Variants in FAM13A observed in about 807,000 individuals in gnomAD.
FAM13A encodes protein FAM13A.
A neutral mutation model predicts 129.6 loss-of-function variants in FAM13A; 76 were observed. The observed-to-expected ratio is 0.59, with a 90% CI of 0.49 to 0.71. The LOEUF (loss-of-function observed/expected upper bound fraction) is 0.71, where lower values mean the gene tolerates loss of function less well. Among genes scored for constraint, FAM13A ranks in the 30% least tolerant of loss-of-function variants. The probability of loss-of-function intolerance (pLI) is 0.00; values close to 1 mark genes in which losing one functional copy is unlikely to be tolerated. For synonymous variants in FAM13A, 443 were observed against 449.9 expected (o/e 0.98, Z 0.20); for missense variants, 1,108 against 1,249.3 (o/e 0.89, Z 1.70).
intron 1 of FAM13A, among the ~76,000 whole-genome samples, chr4:89,038,063 C>G (rs901835338): frequency 5.3e-5 from 8 of 152,202 alleles, no homozygotes; most frequent in African/African-American, 1.9e-4. Flanking sequence ...ATCCTTAAGG[C>G]TCCAGTGCTT....
intron 1 of FAM13A, among the ~76,000 whole-genome samples, chr4:89,046,634 G>A (rs1770894878): frequency 6.6e-6 from 1 of 152,176 alleles, no homozygotes; most frequent in Admixed American, 6.5e-5. Flanking sequence ...CAGACTGCTT[G>A]AGCCCAGGAG....
At chr4:88,950,312 T>C (rs1458003577) in intron 4 of FAM13A, among the ~76,000 whole-genome samples, 2 of 151,954 alleles carry the variant, frequency 1.3e-5, no homozygotes, top group African/African-American at 2.4e-5. Context: ...GCAATCCTCC[T>C]GCCTCAGCCT....
In FAM13A at chr4:88,731,976, T is replaced by TCAC. The variant is rs1320275814; in HGVS notation, c.2843+23_2843+25dup. The TCAC allele has an allele frequency of 3.2e-6, 5 of 1,566,842 alleles. No individual in the cohort carries two copies. The South Asian group carries it at 3.5e-5, about 11-fold the overall frequency. On this transcript the variant is annotated intron_variant, in intron 22 of 23. Coordinates refer to ENST00000264344, the MANE Select transcript of FAM13A (RefSeq NM_014883.4). ...AGTGAGCTATTTTTACCAAAACATT[T>TCAC]CACCACCACCACCAAAATGACATAC...
intron 7 of FAM13A, among the ~76,000 whole-genome samples, chr4:88,832,524 T>TAA (rs1734061156): frequency 6.6e-6 from 1 of 152,044 alleles, no homozygotes; most frequent in Non-Finnish European, 1.5e-5. Context: ...ACGAGGAACT[T>TAA]AAACAAATTT....
rs1326480698 is a variant in FAM13A at position 89,020,532 on chromosome 4, G to C, written c.355C>G (p.Leu119Val). The C allele has an allele frequency of 1.2e-6, 2 of 1,613,978 alleles. No individual in the cohort carries two copies. The highest frequency in any genetic ancestry group is 2.7e-5 in the African/African-American group (2 of 74,900). ...CTGTCAGGCAGCTCCCTCAGAAACA[G>C]CTTCAACAGACTGGCTGCTGAGCAG... ...DVCSAASLLK[L>V]FLRELPDSLI... Residue 119 changes from leucine (L) to valine (V), a missense_variant, in exon 3 of 24, where the codon CTG (leucine) becomes GTG (valine). This residue lies in a region of FAM13A where 566 missense variants were observed against 595.7 expected (regional missense o/e 0.95). Transcript: ENST00000264344.
Position 88,996,519 on chromosome 4 carries a change from C to T in FAM13A, c.428-5369G>A, listed in dbSNP as rs1028796993. ...TCCGAAAACATTTATTGAGTGACTA[C>T]TCTGTTCCAGGCACCATTCTAAGCA... On this transcript the variant is annotated intron_variant, in intron 3 of 23. Coordinates refer to ENST00000264344, the MANE Select transcript of FAM13A (RefSeq NM_014883.4). 1.1e-4 allele frequency among the ~76,000 whole-genome samples: 17 copies of T among 152,208 alleles called. 1 individual carries two copies. The highest frequency in any genetic ancestry group is 3.9e-4 in the African/African-American group (16 of 41,450).
intron 1 of FAM13A, among the ~76,000 whole-genome samples, chr4:89,030,138 G>A (rs1055139977): frequency 3.3e-5 from 5 of 151,872 alleles, no homozygotes; most frequent in Non-Finnish European, 5.9e-5. Flanking sequence ...ATAGTTCTCT[G>A]ATTTGATTAC....
intron 7 of FAM13A, among the ~76,000 whole-genome samples, chr4:88,818,700 T>C (rs1731274600): frequency 6.6e-6 from 1 of 152,104 alleles, no homozygotes; most frequent in Non-Finnish European, 1.5e-5. Flanking sequence ...CTGGCCCAGA[T>C]TTAAAGTGAG....
At chr4:88,903,415 C>T (rs190083093) in intron 6 of FAM13A, among the ~76,000 whole-genome samples, 4 of 152,098 alleles carry the variant, frequency 2.6e-5, no homozygotes, top group Admixed American at 6.6e-5. Flanking sequence ...CAAAAACAGA[C>T]ACATGGACCA....
At chr4:88,733,219 T>C (rs1738242430) in intron 21 of FAM13A, among the ~76,000 whole-genome samples, 1 of 152,196 alleles carries the variant, frequency 6.6e-6, no homozygotes, top group Admixed American at 6.5e-5. Flanking sequence ...TCATGGTAAA[T>C]TTTGATATGT....
chr4:88,779,494 T>A (rs994808359), intron 11 of FAM13A, among the ~76,000 whole-genome samples: 1 of 152,216 alleles, frequency 6.6e-6, no homozygotes, highest in Admixed American at 6.5e-5. Context: ...GAAAACATCT[T>A]TGAGAATACC....
At chr4:88,989,679 T>G (rs1004985626) in intron 4 of FAM13A, 1 of 152,224 alleles carries the variant, frequency 6.6e-6, no homozygotes, top group African/African-American at 2.4e-5. Flanking sequence ...AAAACCATAC[T>G]AATTAGAACC....
At chr4:88,931,131 G>A (rs1288578528) in intron 5 of FAM13A, among the ~76,000 whole-genome samples, 1 of 152,084 alleles carries the variant, frequency 6.6e-6, no homozygotes, top group Non-Finnish European at 1.5e-5. Flanking sequence ...TCACAGCAGG[G>A]TGGCAGGGAC....
rs199909318 is a variant in FAM13A at position 89,050,208 on chromosome 4, CT to C, written c.27+6729del. Among the ~76,000 whole-genome samples, 6 of 150,998 alleles carry C rather than the reference CT, an allele frequency of 4.0e-5. No individual in the cohort carries two copies. In the South Asian group the frequency reaches 6.3e-4, roughly 16 times the overall value. On this transcript the variant is annotated intron_variant, in intron 1 of 23. Transcript: ENST00000264344. The stretch of plus-strand genomic sequence containing the variant: ...ACTCATGTCCTTTCTTTCCTCTTCT[CT>C]TTTTTTTTCTTTTTTTGAGGCAGAG...
intron 5 of FAM13A, among the ~76,000 whole-genome samples, chr4:88,922,471 A>G (rs1471692314): frequency 6.6e-6 from 1 of 152,154 alleles, no homozygotes; most frequent in Admixed American, 6.6e-5. Flanking sequence ...TAACGAAATG[A>G]AGGCAGAAAT....
intron 4 of FAM13A, among the ~76,000 whole-genome samples, chr4:88,952,777 G>A (rs919692919): frequency 1.3e-5 from 2 of 151,872 alleles, no homozygotes; most frequent in African/African-American, 2.4e-5. Context: ...GTGAAACCCC[G>A]TCTCTACTAA....
At chr4:88,842,300 C>T (rs761665764) in intron 7 of FAM13A, among the ~76,000 whole-genome samples, 5 of 152,106 alleles carry the variant, frequency 3.3e-5, no homozygotes, top group East Asian at 1.9e-4. Context: ...AGCAGAGATA[C>T]GGAACTGTGA....
intron 1 of FAM13A, among the ~76,000 whole-genome samples, chr4:89,056,309 T>C (rs1320906210): frequency 2.6e-5 from 4 of 152,172 alleles, no homozygotes; most frequent in African/African-American, 7.2e-5. Context: ...ATTCATAAAT[T>C]CTAAAAATTC....
chr4:89,015,861 CAT>C (rs1766409350), intron 3 of FAM13A, among the ~76,000 whole-genome samples: 2 of 152,032 alleles, frequency 1.3e-5, no homozygotes, highest in Non-Finnish European at 2.9e-5. Flanking sequence ...TATACATATA[CAT>C]ATATATGTGT....
Sources: gnomAD v4.1 joint callset for allele counts (sites outside exome capture counted in the v4.1 genomes callset) on GRCh38, gnomAD v4.1.1 for gene constraint, gnomAD v4.1.1 regional missense constraint, MANE v1.5 for transcripts, NCBI Gene and HGNC (gene_info 2026-07-23, HGNC 2026-07-21) for gene names.